Variants in TNFRSF10B observed in about 807,000 individuals in gnomAD.
TNFRSF10B encodes the protein tumor necrosis factor receptor superfamily member 10B.
In TNFRSF10B, 35 loss-of-function variants were observed where a neutral mutation model predicts 41.4. That is an observed-to-expected ratio of 0.85 (90% confidence interval 0.65 to 1.12). TNFRSF10B has a LOEUF of 1.12. TNFRSF10B is among the 50% of genes most tolerant of loss of function. The pLI, the probability that TNFRSF10B is intolerant of heterozygous loss-of-function variation, is 0.00. For synonymous variants in TNFRSF10B, 230 were observed against 215.5 expected (o/e 1.07, Z -0.59); for missense variants, 584 against 552.7 (o/e 1.06, Z -0.57).
intron 1 of TNFRSF10B, among the ~76,000 whole-genome samples, chr8:23,055,915 A>C (rs542846039): frequency 6.6e-6 from 1 of 152,222 alleles, no homozygotes; most frequent in South Asian, 2.1e-4. Context: ...GTAGACATAT[A>C]GGTTAGAAAG....
chr8:23,059,997 T>A (rs1309249899), intron 1 of TNFRSF10B, among the ~76,000 whole-genome samples: 1 of 152,218 alleles, frequency 6.6e-6, no homozygotes, highest in Non-Finnish European at 1.5e-5. Flanking sequence ...TTGTTTTTGT[T>A]TTGTTAGATC....
At chr8:23,034,849 G>A (rs555955694) in intron 2 of TNFRSF10B, among the ~76,000 whole-genome samples, 2 of 152,376 alleles carry the variant, frequency 1.3e-5, no homozygotes, top group South Asian at 4.1e-4. Flanking sequence ...TATTTGGCCT[G>A]TGCCAAAGAC....
Position 23,069,028 on chromosome 8 carries a change from G to A in TNFRSF10B, c.-134C>T. 1 of 1,424,956 alleles carries A rather than the reference G, an allele frequency of 7.0e-7. No homozygotes were observed. Among genetic ancestry groups the A allele is most frequent in the Non-Finnish European group, 9.7e-7 (1 of 1,036,108 alleles). 88.3% of individuals were successfully genotyped at this position (1,424,956 alleles called of 1,614,324 possible). On this transcript the variant is annotated 5_prime_UTR_variant, in exon 1 of 9. Transcript: ENST00000276431. Reference sequence around the variant, plus strand: ...GGCCGCGTGCTGATTTATGTGTCCAGGCTGACTTGGGGCGGCGCGGCTGTA... The same window carrying A: ...GGCCGCGTGCTGATTTATGTGTCCAAGCTGACTTGGGGCGGCGCGGCTGTA...
chr8:23,020,283 G>C lies in TNFRSF10B; in HGVS notation c.*2388C>G, dbSNP rs1585201484. The C allele has an allele frequency of 2.2e-6, 1 of 454,124 alleles. No homozygotes were observed. Among genetic ancestry groups the C allele is most frequent in the East Asian group, 6.9e-5 (1 of 14,400 alleles). The allele number at this position is 454,124 out of a possible 1,614,324, so 28.1% of individuals were successfully genotyped here. A position where few individuals can be genotyped will look rare whatever the true frequency, so the allele number is the denominator to read the frequency against. ...GCATGAAAGGACACCAACCACGAGTGACACACTATACTATGGCTGTCCTGT... is the reference window on the plus strand; with the variant it reads ...GCATGAAAGGACACCAACCACGAGTCACACACTATACTATGGCTGTCCTGT... On this transcript the variant is annotated 3_prime_UTR_variant, in exon 9 of 9. Transcript: ENST00000276431.
chr8:23,068,946 A>T lies in TNFRSF10B; in HGVS notation c.-52T>A. On this transcript the variant is annotated 5_prime_UTR_variant, in exon 1 of 9. An upstream open reading frame in the 5' UTR loses its in-frame stop. Transcript: ENST00000276431. Reference sequence around the variant, plus strand: ...CTCAGGCCCGTGGGTTTCAGCCCTTAAAGTAGATCGGGCATCGTCGGTGTA... The same window carrying T: ...CTCAGGCCCGTGGGTTTCAGCCCTTTAAGTAGATCGGGCATCGTCGGTGTA... 1 of 1,612,724 alleles carries T rather than the reference A, an allele frequency of 6.2e-7. No individual in the cohort carries two copies. Among genetic ancestry groups the T allele is most frequent in the Non-Finnish European group, 8.5e-7 (1 of 1,179,828 alleles).
chr8:23,048,805 C>T (rs1812437706), intron 1 of TNFRSF10B, among the ~76,000 whole-genome samples: 1 of 152,018 alleles, frequency 6.6e-6, no homozygotes, highest in Non-Finnish European at 1.5e-5. Flanking sequence ...GCCATGTTGC[C>T]CAGGCTGGTC....
intron 1 of TNFRSF10B, among the ~76,000 whole-genome samples, chr8:23,067,458 C>G (rs1353318487): frequency 6.6e-6 from 1 of 151,938 alleles, no homozygotes; most frequent in African/African-American, 2.4e-5. Flanking sequence ...AAAAAAAACC[C>G]CACAACAGAG....
At chr8:23,067,249 A>G (rs1053444662) in intron 1 of TNFRSF10B, among the ~76,000 whole-genome samples, 1 of 151,994 alleles carries the variant, frequency 6.6e-6, no homozygotes. Context: ...AAGTGCTGGG[A>G]TTACAGGCAT....
At chr8:23,043,033 G>T in intron 2 of TNFRSF10B, 105 bp downstream of exon 2, 5 of 1,070,240 alleles carry the variant, frequency 4.7e-6, no homozygotes, top group Non-Finnish European at 7.0e-6. Context: ...GGCACCCAAT[G>T]CCTCTCTGTG....
intron 1 of TNFRSF10B, among the ~76,000 whole-genome samples, chr8:23,065,214 G>T (rs900413349): frequency 1.8e-4 from 27 of 152,218 alleles, no homozygotes; most frequent in Non-Finnish European, 3.2e-4. Flanking sequence ...TCTACCTGAT[G>T]AATGAATCAC....
Position 23,021,285 on chromosome 8 carries a change from A to G in TNFRSF10B, c.*1386T>C, listed in dbSNP as rs1388310208. 2.2e-6 allele frequency: 1 copy of G among 454,162 alleles called. No individual in the cohort carries two copies. The highest frequency in any genetic ancestry group is 6.9e-5 in the East Asian group (1 of 14,398). The allele number at this position is 454,162 out of a possible 1,614,324, so 28.1% of individuals were successfully genotyped here. A position where few individuals can be genotyped will look rare whatever the true frequency, so the allele number is the denominator to read the frequency against. On this transcript the variant is annotated 3_prime_UTR_variant, in exon 9 of 9. Transcript: ENST00000276431. The stretch of plus-strand genomic sequence containing the variant: ...GTGTTTAAGAATTGACATTTCTGAG[A>G]TGAGTCAGATGCTTACAGAGCGGCC...
rs1405670709 is a variant in TNFRSF10B at position 23,042,885 on chromosome 8, A to G, written c.250+253T>C. ...TCAGCCCAAAGTCACCATTGCCTGG[A>G]GGCCTCACCAGCCCCATCTCTGTCC... is the stretch of plus-strand genomic sequence containing the variant. On this transcript the variant is annotated intron_variant, in intron 2 of 8. Coordinates refer to ENST00000276431, the MANE Select transcript of TNFRSF10B (RefSeq NM_003842.5). The G allele has an allele frequency of 2.7e-5, 11 of 408,528 alleles. No homozygotes were observed. The East Asian group carries it at 4.3e-4, about 16-fold the overall frequency. 25.3% of individuals were successfully genotyped at this position (408,528 alleles called of 1,614,324 possible).
chr8:23,064,510 G>A (rs1022966864), intron 1 of TNFRSF10B, among the ~76,000 whole-genome samples: 1 of 152,064 alleles, frequency 6.6e-6, no homozygotes, highest in African/African-American at 2.4e-5. Context: ...GGTGTCCATG[G>A]GCATGGTTAA....
intron 2 of TNFRSF10B, among the ~76,000 whole-genome samples, chr8:23,035,788 C>A (rs1008053811): frequency 1.3e-5 from 2 of 152,150 alleles, no homozygotes; most frequent in Non-Finnish European, 2.9e-5. Context: ...GCCTAGTGTG[C>A]TTATTTTGAT....
At chr8:23,061,359 G>A (rs1049864339) in intron 1 of TNFRSF10B, among the ~76,000 whole-genome samples, 1 of 152,116 alleles carries the variant, frequency 6.6e-6, no homozygotes, top group Non-Finnish European at 1.5e-5. Context: ...ATTGCAATCT[G>A]TACTGTCTTT....
intron 7 of TNFRSF10B, 89 bp from the exon 8 acceptor site, chr8:23,024,349 G>T: frequency 7.3e-7 from 1 of 1,372,356 alleles, no homozygotes; most frequent in Admixed American, 1.7e-5. Context: ...TCTGAGACCT[G>T]CAGCACGTCA....
chr8:23,062,294 C>T (rs1443249363), intron 1 of TNFRSF10B, among the ~76,000 whole-genome samples: 2 of 152,120 alleles, frequency 1.3e-5, no homozygotes, highest in Non-Finnish European at 2.9e-5. Flanking sequence ...GATCTTGGCT[C>T]ACTGCAACCT....
Position 23,020,302 on chromosome 8 carries a change from G to A in TNFRSF10B, c.*2369C>T, listed in dbSNP as rs775424967. On this transcript the variant is annotated 3_prime_UTR_variant, in exon 9 of 9. Transcript: ENST00000276431. ...ACGAGTGACACACTATACTATGGCT[G>A]TCCTGTGTCACATGCTATTTGGCCT... is the stretch of plus-strand genomic sequence containing the variant. The A allele has an allele frequency of 1.1e-4, 51 of 453,978 alleles. No individual in the cohort carries two copies. The highest frequency in any genetic ancestry group is 4.4e-4 in the African/African-American group (22 of 49,988). The allele number at this position is 453,978 out of a possible 1,614,324, so 28.1% of individuals were successfully genotyped here.
intron 2 of TNFRSF10B, among the ~76,000 whole-genome samples, chr8:23,037,848 A>C (rs1760006557): frequency 6.6e-6 from 1 of 152,206 alleles, no homozygotes; most frequent in Admixed American, 6.5e-5. Context: ...TCATGTGTCC[A>C]GGAATCTAGG....
Sources: allele counts gnomAD v4.1 joint callset (sites outside exome capture counted in the v4.1 genomes callset), GRCh38; gene constraint gnomAD v4.1.1; transcripts MANE v1.5; gene names NCBI Gene and HGNC (gene_info 2026-07-23, HGNC 2026-07-21).